CHODL: variants seen among roughly 807,000 people sequenced by gnomAD.
CHODL encodes the protein chondrolectin, also known as transmembrane protein MT75.
In CHODL, 29 loss-of-function variants were observed where a neutral mutation model predicts 34.5. The ratio of observed to expected loss-of-function variants is 0.84; its 90% confidence interval spans 0.63 to 1.15. The LOEUF is 1.15. Among genes scored for constraint, CHODL ranks in the 50% most tolerant of loss-of-function variants. CHODL has a pLI of 0.00. For synonymous variants in CHODL, 125 were observed against 116.1 expected (o/e 1.08, Z -0.49); for missense variants, 332 against 332.5 (o/e 1.00, Z 0.01).
chr21:18,141,469 T>C (rs1314599327), intron 2 of CHODL, among the ~76,000 whole-genome samples: 1 of 152,046 alleles, frequency 6.6e-6, no homozygotes, highest in Admixed American at 6.6e-5. Flanking sequence ...CAAATCTTAG[T>C]GTCTGAGACA....
At chr21:18,234,308 TGAC>T (rs2074009116) in intron 2 of CHODL, among the ~76,000 whole-genome samples, 4 of 152,090 alleles carry the variant, frequency 2.6e-5, no homozygotes, top group Admixed American at 2.6e-4. Context: ...GGTTATCAGG[TGAC>T]TTCCTTAGGT....
At chr21:18,071,417 T>A (rs158019) in intron 2 of CHODL, among the ~76,000 whole-genome samples, 71,711 of 151,692 alleles carry the variant, frequency 0.47, 18,384 homozygotes, top group East Asian at 0.95. Context: ...AGTGCTAGGA[T>A]TACAGGCATG....
chr21:18,127,289 A>T (rs1449762148), intron 2 of CHODL, among the ~76,000 whole-genome samples: 3 of 152,206 alleles, frequency 2.0e-5, no homozygotes, highest in African/African-American at 7.2e-5. Context: ...TAATCACTTT[A>T]AAAGGATGAT....
At chr21:18,115,543 CA>C (rs1270486006) in intron 2 of CHODL, among the ~76,000 whole-genome samples, 18 of 152,188 alleles carry the variant, frequency 1.2e-4, no homozygotes. Flanking sequence ...GACAGCCAAA[CA>C]CACAAAGTCT....
intron 2 of CHODL, among the ~76,000 whole-genome samples, chr21:18,096,220 A>T (rs1212559540): frequency 6.6e-6 from 1 of 152,148 alleles, no homozygotes; most frequent in African/African-American, 2.4e-5. Context: ...TCTTAAGCTA[A>T]GGATGTATGT....
At chr21:18,009,663 A>T (rs1029362159) in intron 1 of CHODL, among the ~76,000 whole-genome samples, 1 of 152,032 alleles carries the variant, frequency 6.6e-6, no homozygotes, top group Non-Finnish European at 1.5e-5. Flanking sequence ...CCAAGGCGGG[A>T]GGATCACAAG....
chr21:18,070,800 G>GT (rs1377105564), intron 2 of CHODL, among the ~76,000 whole-genome samples: 1 of 151,852 alleles, frequency 6.6e-6, no homozygotes, highest in Non-Finnish European at 1.5e-5. Flanking sequence ...ACTACTGCTT[G>GT]TACCCTAGTG....
chr21:18,091,565 C>T (rs973494439), intron 2 of CHODL, among the ~76,000 whole-genome samples: 1 of 152,116 alleles, frequency 6.6e-6, no homozygotes, highest in Non-Finnish European at 1.5e-5. Flanking sequence ...CTCATGAGCC[C>T]CCCTCTCCAA....
chr21:18,125,438 T>TA (rs1349927205), intron 2 of CHODL, among the ~76,000 whole-genome samples: 3 of 152,122 alleles, frequency 2.0e-5, no homozygotes, highest in Admixed American at 1.3e-4. Flanking sequence ...ATATAGAATA[T>TA]AAAATCATAC....
In CHODL at chr21:18,087,996, C is replaced by T. The variant is rs552139974; in HGVS notation, c.-45+60025C>T. ...GATGGAGCAGGAGAGAGAGGACAAG[C>T]GAAGGGGGAAGTGCTATACACTTTA... On this transcript the variant is annotated intron_variant, in intron 2 of 6. Transcript: ENST00000400127. Among the ~76,000 whole-genome samples the T allele has an allele frequency of 1.7e-3, 259 of 152,084 alleles. 1 individual carries two copies. Among genetic ancestry groups the T allele is most frequent in the African/African-American group, 5.4e-3 (226 of 41,488 alleles).
chr21:18,020,737 G>A lies in CHODL; in HGVS notation c.-144-7135G>A, dbSNP rs2064120650. On this transcript the variant is annotated intron_variant, in intron 1 of 6. Transcript: ENST00000400127. Reference sequence around the variant, plus strand: ...AACCCCTAGCTATATTTGGAGATGGGGCCTCTAAGGAAATAATTAATGTTT... The same window carrying A: ...AACCCCTAGCTATATTTGGAGATGGAGCCTCTAAGGAAATAATTAATGTTT... Among the ~76,000 whole-genome samples the A allele has an allele frequency of 2.0e-5, 3 of 152,062 alleles. No homozygotes were observed. In the South Asian group the frequency reaches 6.2e-4, roughly 32 times the overall value.
At chr21:18,194,735 C>CTTACATA (rs2073562054) in intron 2 of CHODL, among the ~76,000 whole-genome samples, 1 of 151,976 alleles carries the variant, frequency 6.6e-6, no homozygotes, top group Admixed American at 6.6e-5. Context: ...ATATCTATCA[C>CTTACATA]CTTACATACT....
intron 2 of CHODL, among the ~76,000 whole-genome samples, chr21:18,147,020 T>C (rs979972672): frequency 3.3e-5 from 5 of 152,192 alleles, no homozygotes; most frequent in Non-Finnish European, 7.3e-5. Flanking sequence ...CTTCTTGGCC[T>C]TATGTACTCT....
chr21:18,183,342 A>G (rs969310912), intron 2 of CHODL, among the ~76,000 whole-genome samples: 2 of 152,222 alleles, frequency 1.3e-5, no homozygotes, highest in African/African-American at 4.8e-5. Context: ...AAGGGATTCT[A>G]GCTGCCATTT....
chr21:18,147,743 A>C (rs1568910489), intron 2 of CHODL, among the ~76,000 whole-genome samples: 1 of 152,220 alleles, frequency 6.6e-6, no homozygotes, highest in African/African-American at 2.4e-5. Flanking sequence ...AAACAAATTA[A>C]CAAGTGTGGC....
At chr21:18,095,727 T>C (rs935106057) in intron 2 of CHODL, among the ~76,000 whole-genome samples, 5 of 152,202 alleles carry the variant, frequency 3.3e-5, no homozygotes, top group African/African-American at 1.2e-4. Flanking sequence ...CCAATATCTC[T>C]GATGAATATT....
intron 2 of CHODL, among the ~76,000 whole-genome samples, chr21:18,188,654 C>A (rs747661243): frequency 6.6e-6 from 1 of 152,094 alleles, no homozygotes; most frequent in African/African-American, 2.4e-5. Context: ...GTCTTGGATC[C>A]CCAAAGAACA....
chr21:18,100,174 G>A (rs972387802), intron 2 of CHODL, among the ~76,000 whole-genome samples: 4 of 152,122 alleles, frequency 2.6e-5, no homozygotes, highest in Non-Finnish European at 5.9e-5. Context: ...TAAATAAAGT[G>A]AAGGTTGTTT....
intron 1 of CHODL, among the ~76,000 whole-genome samples, chr21:17,966,676 A>C (rs1428071291): frequency 6.6e-6 from 1 of 152,116 alleles, no homozygotes; most frequent in Non-Finnish European, 1.5e-5. Flanking sequence ...TTTCCCATCA[A>C]ATTTTGTAGA....
Sources: gnomAD v4.1 joint callset for allele counts (sites outside exome capture counted in the v4.1 genomes callset) on GRCh38, gnomAD v4.1.1 for gene constraint, MANE v1.5 for transcripts, NCBI Gene and HGNC (gene_info 2026-07-23, HGNC 2026-07-21) for gene names.